LRRN2: variants seen among roughly 807,000 people sequenced by gnomAD.
LRRN2 encodes leucine-rich repeat neuronal protein 2.
A neutral mutation model predicts 35.7 loss-of-function variants in LRRN2; 10 were observed. The ratio of observed to expected loss-of-function variants is 0.28; its 90% CI spans 0.17 to 0.47. The LOEUF (loss-of-function observed/expected upper bound fraction) is 0.47, where lower values mean the gene tolerates loss of function less well. LRRN2 is among the 20% of genes least tolerant of loss of function. The probability of loss-of-function intolerance (pLI) is 0.99; values close to 1 mark genes in which losing one functional copy is unlikely to be tolerated. For missense variants in LRRN2, 731 were observed against 940.3 expected, an observed-to-expected ratio of 0.78 and a Z score of 2.91; for synonymous variants, 391 against 409.6, an observed-to-expected ratio of 0.95 and a Z score of 0.55.
intron 1 of LRRN2, among the ~76,000 whole-genome samples, chr1:204,647,195 A>C (rs149858656): frequency 2.6e-5 from 4 of 152,072 alleles, no homozygotes; most frequent in Admixed American, 6.5e-5. Context: ...AGGAGAAAAG[A>C]AGGCCTTAAA....
intron 1 of LRRN2, among the ~76,000 whole-genome samples, chr1:204,678,208 T>C (rs1668868389): frequency 6.6e-6 from 1 of 152,204 alleles, no homozygotes; most frequent in Non-Finnish European, 1.5e-5. Flanking sequence ...TTATTTCTTG[T>C]GAGTGTAAGT....
intron 1 of LRRN2, among the ~76,000 whole-genome samples, chr1:204,638,975 G>A (rs896504152): frequency 2.6e-5 from 4 of 152,222 alleles, no homozygotes; most frequent in East Asian, 1.9e-4. Context: ...GATGGCCATC[G>A]CCTGGCAGGG....
intron 1 of LRRN2, among the ~76,000 whole-genome samples, chr1:204,625,279 G>A (rs964027459): frequency 5.3e-5 from 8 of 152,176 alleles, no homozygotes; most frequent in African/African-American, 9.7e-5. Context: ...GGAGGAGTAC[G>A]GGATGGAAGG....
chr1:204,670,078 A>C (rs1014172156), intron 1 of LRRN2, among the ~76,000 whole-genome samples: 1 of 151,768 alleles, frequency 6.6e-6, no homozygotes, highest in Non-Finnish European at 1.5e-5. Context: ...TTGGAGATGC[A>C]AGAGTGGATA....
chr1:204,668,223 C>T (rs528553528), intron 1 of LRRN2, among the ~76,000 whole-genome samples: 1 of 152,220 alleles, frequency 6.6e-6, no homozygotes, highest in Non-Finnish European at 1.5e-5. Context: ...TGTGGTGCCA[C>T]TCCCCCTTCC....
intron 1 of LRRN2, chr1:204,626,820 A>T (rs1278640239): frequency 7.9e-5 from 12 of 152,094 alleles, no homozygotes; most frequent in Admixed American, 6.5e-4. Context: ...GATCTACATT[A>T]AAAAAATGAA....
At chr1:204,666,673 A>G (rs1203232496) in intron 1 of LRRN2, among the ~76,000 whole-genome samples, 1 of 152,226 alleles carries the variant, frequency 6.6e-6, no homozygotes, top group Non-Finnish European at 1.5e-5. Context: ...TGAATACAAA[A>G]AAAGCCACTG....
chr1:204,618,394 C>T lies in LRRN2; in HGVS notation c.1599G>A (p.Val533=), dbSNP rs1295701922. Residue 533 remains valine (V), a synonymous_variant, in exon 2 of 2, where the codon GTG becomes GTA. Transcript: ENST00000367177. ...RDEGQGLELR[V]QETHPYHILL... is the part of the protein sequence containing the mutation. ...GGATGTGATAGGGGTGGGTCTCCTG[C>T]ACCCGGAGCTCCAGCCCCTGTCCTT... The T allele has an allele frequency of 2.5e-6, 4 of 1,612,074 alleles. No homozygotes were observed. In the South Asian group the frequency reaches 3.3e-5, roughly 13 times the overall value.
rs145062426 is a variant in LRRN2, at chr1:204,617,558, C to T, written c.*293G>A. 5.6e-4 allele frequency: 231 copies of T among 413,330 alleles called. No homozygotes were observed. The highest frequency in any genetic ancestry group is 4.4e-3 in the African/African-American group (215 of 49,066). 25.6% of individuals were successfully genotyped at this position (413,330 alleles called of 1,614,324 possible). A position where few individuals can be genotyped will look rare whatever the true frequency, so the allele number is the denominator to read the frequency against. ...GGGACAGCCAAGCCAGGCCCAGGAG[C>T]CTCTGGGCAGAGAGAAGATGGGGAG... On this transcript the variant is annotated 3_prime_UTR_variant, in exon 2 of 2. Transcript: ENST00000367177.
chr1:204,625,443 T>C (rs1667270496), intron 1 of LRRN2, among the ~76,000 whole-genome samples: 3 of 152,216 alleles, frequency 2.0e-5, no homozygotes, highest in Admixed American at 2.0e-4. Context: ...ATCTCTCAAC[T>C]TTTGTAATAA....
At position 204,624,247 on chromosome 1, in the gene LRRN2, CTG is replaced by C. The variant is rs1667144667; in HGVS notation, c.-226-4031_-226-4030del. 2.7e-5 allele frequency among the ~76,000 whole-genome samples: 4 copies of C among 150,814 alleles called. No individual in the cohort carries two copies. In the South Asian group the frequency reaches 8.6e-4, roughly 33 times the overall value. The stretch of plus-strand genomic sequence containing the variant: ...CTGGGGGACAGTGTGGGGAAGGACA[CTG>C]TTCCTGTGTGTGTGTGTGGCTGGGC... On this transcript the variant is annotated intron_variant, in intron 1 of 1. Transcript: ENST00000367177.
Position 204,673,025 on chromosome 1 carries a change from C to T in LRRN2, c.-227+12295G>A, listed in dbSNP as rs79990228. ...CGTAAGATCCACATACATGGTTGACCGAGGGCCACCCCCTCTCTGCTACTA... is the reference window on the plus strand; with the variant it reads ...CGTAAGATCCACATACATGGTTGACTGAGGGCCACCCCCTCTCTGCTACTA... On this transcript the variant is annotated intron_variant, in intron 1 of 1. Coordinates refer to ENST00000367177, the MANE Select transcript of LRRN2 (RefSeq NM_201630.2). Among the ~76,000 whole-genome samples the T allele has an allele frequency of 9.1e-4, 139 of 152,220 alleles. 1 individual carries two copies. The East Asian group carries it at 0.018, about 19-fold the overall frequency.
intron 1 of LRRN2, among the ~76,000 whole-genome samples, chr1:204,637,017 T>C (rs1571649032): frequency 6.6e-6 from 1 of 152,204 alleles, no homozygotes; most frequent in East Asian, 1.9e-4. Flanking sequence ...GATTGATAGA[T>C]AGAGGAATGG....
chr1:204,672,275 C>A (rs77111864), intron 1 of LRRN2, among the ~76,000 whole-genome samples: 209 of 152,328 alleles, frequency 1.4e-3, no homozygotes, highest in African/African-American at 4.9e-3. Flanking sequence ...CCCAAGGGCA[C>A]TAATACGCTA....
intron 1 of LRRN2, among the ~76,000 whole-genome samples, chr1:204,656,271 G>A (rs1202707675): frequency 6.6e-6 from 1 of 152,154 alleles, no homozygotes; most frequent in African/African-American, 2.4e-5. Context: ...CTGCATCCAC[G>A]TGTGTCAAAG....
Position 204,618,316 on chromosome 1 carries a change from G to A in LRRN2, c.1677C>T (p.Ser559=), listed in dbSNP as rs756517296. 1.3e-6 allele frequency: 2 copies of A among 1,594,882 alleles called. No individual in the cohort carries two copies. The highest frequency in any genetic ancestry group is 2.3e-5 in the South Asian group (2 of 87,002). The change falls in exon 2 of 2, where the codon TCC becomes TCT. Residue 559 remains serine, a synonymous_variant. Coordinates refer to ENST00000367177, the MANE Select transcript of LRRN2 (RefSeq NM_201630.2). ...PNTVSTNLTW[S]SASSLRGQGA... is the part of the protein sequence containing the mutation. ...CCTGGCCCCGGAGGGAGGAGGCACT[G>A]GACCAGGTGAGGTTGGTGGACACTG...
Position 204,619,111 on chromosome 1 carries a change from G to A in LRRN2, c.882C>T (p.Asn294=), listed in dbSNP as rs550027094. The A allele has an allele frequency of 1.3e-5, 21 of 1,611,486 alleles. 1 individual carries two copies. In the South Asian group the frequency reaches 2.1e-4, roughly 16 times the overall value. The change falls in exon 2 of 2, where the codon AAC becomes AAT. Residue 294 remains asparagine, a synonymous_variant. Coordinates refer to ENST00000367177, the MANE Select transcript of LRRN2 (RefSeq NM_201630.2). The part of the protein sequence containing the change: ...MLHLKELGLN[N]MEELVSIDKF... ...TGTCGATGGAGACCAGCTCCTCCATGTTGTTCAGTCCCAGCTCCTTAAGGT... is the reference window on the plus strand; with the variant it reads ...TGTCGATGGAGACCAGCTCCTCCATATTGTTCAGTCCCAGCTCCTTAAGGT...
intron 1 of LRRN2, among the ~76,000 whole-genome samples, chr1:204,665,239 C>T (rs1201849286): frequency 6.6e-6 from 1 of 152,072 alleles, no homozygotes; most frequent in African/African-American, 2.4e-5. Flanking sequence ...CATGCATTCC[C>T]GGGGGTCTCA....
At chr1:204,675,314 A>T (rs1369481274) in intron 1 of LRRN2, among the ~76,000 whole-genome samples, 1 of 152,258 alleles carries the variant, frequency 6.6e-6, no homozygotes, top group Non-Finnish European at 1.5e-5. Context: ...CCACAAACTT[A>T]GTGGCTATAA....
Sources: gnomAD v4.1 joint callset for allele counts (sites outside exome capture counted in the v4.1 genomes callset) on GRCh38, gnomAD v4.1.1 for gene constraint, MANE v1.5 for transcripts, NCBI Gene and HGNC (gene_info 2026-07-23, HGNC 2026-07-21) for gene names.